The following CYRIA variants were observed in gnomAD, a reference collection of about 807,000 sequenced individuals.
The protein encoded by CYRIA is CYFIP-related Rac1 interactor A.
CYRIA carries 15 observed loss-of-function variants against 43.9 expected under a neutral mutation model. That is an observed-to-expected ratio of 0.34 (90% CI 0.23 to 0.53). The LOEUF (loss-of-function observed/expected upper bound fraction) is 0.53, where lower values mean the gene tolerates loss of function less well. CYRIA is among the 20% of genes least tolerant of loss of function. The pLI, the probability that CYRIA is intolerant of heterozygous loss-of-function variation, is 0.94. For missense variants in CYRIA, 236 were observed against 394.2 expected (o/e 0.60, Z 3.40); for synonymous variants, 117 against 136.0 (o/e 0.86, Z 0.97).
chr2:16,658,035 C>G (rs1282134919), intron 1 of CYRIA, among the ~76,000 whole-genome samples: 1 of 151,922 alleles, frequency 6.6e-6, no homozygotes, highest in East Asian at 1.9e-4. Flanking sequence ...TTTAAAACTG[C>G]AAGACTCCAG....
At chr2:16,627,584 G>T (rs1255416761) in intron 1 of CYRIA, among the ~76,000 whole-genome samples, 2 of 152,212 alleles carry the variant, frequency 1.3e-5, no homozygotes, top group African/African-American at 4.8e-5. Flanking sequence ...TTGTCCATGG[G>T]ATTTAGCTTT....
intron 3 of CYRIA, among the ~76,000 whole-genome samples, chr2:16,580,422 G>T (rs1165577024): frequency 6.6e-6 from 1 of 152,064 alleles, no homozygotes; most frequent in Non-Finnish European, 1.5e-5. Flanking sequence ...ATGCTTAGGG[G>T]TATATTTGAC....
At chr2:16,618,945 G>C (rs1346614095) in intron 2 of CYRIA, among the ~76,000 whole-genome samples, 1 of 152,204 alleles carries the variant, frequency 6.6e-6, no homozygotes, top group African/African-American at 2.4e-5. Flanking sequence ...AGCCCCATAG[G>C]CTTGTGGAGA....
chr2:16,655,139 A>T (rs990742290), intron 1 of CYRIA, among the ~76,000 whole-genome samples: 17 of 152,080 alleles, frequency 1.1e-4, no homozygotes, highest in African/African-American at 4.1e-4. Context: ...GTACAAGCTC[A>T]CTCGCTCGCC....
intron 3 of CYRIA, among the ~76,000 whole-genome samples, chr2:16,581,288 A>G (rs557510008): frequency 7.2e-5 from 11 of 152,354 alleles, no homozygotes; most frequent in African/African-American, 2.6e-4. Flanking sequence ...TAGGCAAAAG[A>G]CATGACAAGA....
At chr2:16,606,323 C>T (rs1668395984) in intron 2 of CYRIA, among the ~76,000 whole-genome samples, 1 of 152,062 alleles carries the variant, frequency 6.6e-6, no homozygotes, top group Non-Finnish European at 1.5e-5. Context: ...AAACTCTCTC[C>T]ATGTCTCCCT....
intron 2 of CYRIA, among the ~76,000 whole-genome samples, chr2:16,588,888 C>T (rs1667827718): frequency 6.6e-6 from 1 of 152,052 alleles, no homozygotes; most frequent in African/African-American, 2.4e-5. Context: ...AAAACTGCAG[C>T]CTAAGACATC....
At position 16,552,676 on chromosome 2, in the gene CYRIA, C is replaced by A; in HGVS notation, c.*260G>T. ...TCGTTATAGATGTTGTTAAAGGACT[C>A]CAGTAGCAAAGATCAAAGTCTCCGA... On this transcript the variant is annotated 3_prime_UTR_variant, in exon 12 of 12. Coordinates refer to ENST00000381323, the MANE Select transcript of CYRIA (RefSeq NM_030797.4). The A allele has an allele frequency of 4.6e-6, 2 of 430,228 alleles. No individual in the cohort carries two copies. Among genetic ancestry groups the A allele is most frequent in the Non-Finnish European group, 8.3e-6 (2 of 241,200 alleles). The allele number at this position is 430,228 out of a possible 1,614,324, so 26.7% of individuals were successfully genotyped here. A position where few individuals can be genotyped will look rare whatever the true frequency, so the allele number is the denominator to read the frequency against.
At chr2:16,651,918 G>A (rs1283235422) in intron 1 of CYRIA, among the ~76,000 whole-genome samples, 2 of 151,982 alleles carry the variant, frequency 1.3e-5, no homozygotes, top group Non-Finnish European at 2.9e-5. Flanking sequence ...ATGAGGAAGG[G>A]GTTTATCTGT....
chr2:16,600,492 G>A (rs1405071887), intron 2 of CYRIA, among the ~76,000 whole-genome samples: 1 of 152,196 alleles, frequency 6.6e-6, no homozygotes, highest in Middle Eastern at 3.2e-3. Context: ...TATGCACTGA[G>A]AGAAGACATG....
chr2:16,644,896 C>T (rs1342733782), intron 1 of CYRIA, among the ~76,000 whole-genome samples: 2 of 152,200 alleles, frequency 1.3e-5, no homozygotes, highest in Non-Finnish European at 2.9e-5. Context: ...CACTCAGTCT[C>T]ATAGCAGACG....
chr2:16,553,359 G>A (rs1666385122), intron 11 of CYRIA, among the ~76,000 whole-genome samples: 1 of 152,074 alleles, frequency 6.6e-6, no homozygotes, highest in Non-Finnish European at 1.5e-5. Flanking sequence ...TAGCAACATT[G>A]CCCAGAACTG....
chr2:16,603,626 A>G (rs1202054765), intron 2 of CYRIA, among the ~76,000 whole-genome samples: 2 of 152,156 alleles, frequency 1.3e-5, no homozygotes, highest in African/African-American at 4.8e-5. Context: ...CTGCTCACCT[A>G]ACATGTCTTG....
chr2:16,587,793 C>A (rs987786574), intron 3 of CYRIA, among the ~76,000 whole-genome samples: 4 of 152,068 alleles, frequency 2.6e-5, no homozygotes, highest in Non-Finnish European at 5.9e-5. Context: ...CTCTTGCCTG[C>A]CACCATGTAA....
intron 3 of CYRIA, among the ~76,000 whole-genome samples, chr2:16,569,238 A>G (rs192415388): frequency 6.6e-6 from 1 of 152,128 alleles, no homozygotes; most frequent in African/African-American, 2.4e-5. Flanking sequence ...CTTCCATCCT[A>G]CAGTAATTCT....
intron 3 of CYRIA, among the ~76,000 whole-genome samples, chr2:16,587,061 A>G (rs966849857): frequency 2.0e-5 from 3 of 152,114 alleles, no homozygotes; most frequent in Non-Finnish European, 4.4e-5. Flanking sequence ...AAGCCATTTC[A>G]CCTGAAGAAA....
chr2:16,579,844 A>G (rs1054441063), intron 3 of CYRIA, among the ~76,000 whole-genome samples: 1 of 152,210 alleles, frequency 6.6e-6, no homozygotes. Context: ...ATGCAATACA[A>G]TAATTAATTG....
chr2:16,586,258 G>A (rs981844457), intron 3 of CYRIA, among the ~76,000 whole-genome samples: 1 of 152,078 alleles, frequency 6.6e-6, no homozygotes, highest in Non-Finnish European at 1.5e-5. Flanking sequence ...AATGTAAAAT[G>A]CATCTGATAA....
chr2:16,637,457 C>T lies in CYRIA; in HGVS notation c.-166-13438G>A, dbSNP rs557758256. On this transcript the variant is annotated intron_variant, in intron 1 of 11. Coordinates refer to ENST00000381323, the MANE Select transcript of CYRIA (RefSeq NM_030797.4). Reference sequence around the variant, plus strand: ...ACCATATGAGGATGCAATGAGGAAACAGCCATCTGCAAGCCAGGAAGCCAG... The same window carrying T: ...ACCATATGAGGATGCAATGAGGAAATAGCCATCTGCAAGCCAGGAAGCCAG... 1.5e-4 allele frequency among the ~76,000 whole-genome samples: 23 copies of T among 152,260 alleles called. 1 individual carries two copies. The South Asian group carries it at 4.6e-3, about 30-fold the overall frequency.
Sources: allele counts gnomAD v4.1 joint callset (sites outside exome capture counted in the v4.1 genomes callset), GRCh38; gene constraint gnomAD v4.1.1; transcripts MANE v1.5; gene names NCBI Gene and HGNC (gene_info 2026-07-23, HGNC 2026-07-21).